RGS12: variants seen among roughly 807,000 people sequenced by gnomAD.
RGS12 encodes the protein regulator of G protein signaling 12.
RGS12 carries 66 observed loss-of-function variants against 120.1 expected under a neutral mutation model. The ratio of observed to expected loss-of-function variants is 0.55; its 90% CI spans 0.45 to 0.67. The LOEUF is 0.67. RGS12 is among the 30% of genes least tolerant of loss of function. The pLI, the probability that RGS12 is intolerant of heterozygous loss-of-function variation, is 0.00. For synonymous variants in RGS12, 827 were observed against 804.7 expected, an observed-to-expected ratio of 1.03 and a Z score of -0.47; for missense variants, 1,859 against 1,957.7, an observed-to-expected ratio of 0.95 and a Z score of 0.95.
At chr4:3,297,697 C>T (rs1394441127) in intron 1 of RGS12, among the ~76,000 whole-genome samples, 1 of 152,170 alleles carries the variant, frequency 6.6e-6, no homozygotes, top group East Asian at 1.9e-4. Context: ...CTAGCCCCAT[C>T]CCCACCCCTT....
intron 4 of RGS12, among the ~76,000 whole-genome samples, chr4:3,388,422 G>A (rs1341327567): frequency 6.6e-6 from 1 of 152,236 alleles, no homozygotes; most frequent in Non-Finnish European, 1.5e-5. Flanking sequence ...GTGCACATGA[G>A]CTCTAGATCG....
Position 3,317,314 on chromosome 4 carries a change from G to T in RGS12, c.1144G>T (p.Val382Phe), listed in dbSNP as rs371704475. The T allele has an allele frequency of 7.4e-6, 12 of 1,613,976 alleles. No homozygotes were observed. The East Asian group carries it at 2.5e-4, about 33-fold the overall frequency. The change falls in exon 2 of 18, where the codon GTC becomes TTC. Residue 382 changes from valine (V) to phenylalanine (F), a missense_variant. Val to Phe is a conservative substitution (Grantham distance 50). Around this residue, in one of 3 missense-constraint regions of RGS12, gnomAD observed 967 missense variants for 994.2 expected, o/e 0.97. Transcript: ENST00000336727. Reference sequence around the variant, plus strand: ...GGAATTCCCGGCGTCCTCCCTCCCCGTCCTGCAGTTCATCTCTGTCCTGTA... The same window carrying T: ...GGAATTCCCGGCGTCCTCCCTCCCCTTCCTGCAGTTCATCTCTGTCCTGTA... Reference protein sequence around the residue: ...CLEFPASSLPVLQFISVLYRD... With the variant: ...CLEFPASSLPFLQFISVLYRD...
intron 3 of RGS12, among the ~76,000 whole-genome samples, chr4:3,362,021 C>T (rs759808435): frequency 1.1e-4 from 16 of 152,166 alleles, no homozygotes; most frequent in Non-Finnish European, 8.8e-5. Context: ...CGCTCCCCCT[C>T]GTCACCCTCA....
intron 3 of RGS12, among the ~76,000 whole-genome samples, chr4:3,363,676 C>G (rs1318457428): frequency 6.6e-6 from 1 of 151,760 alleles, no homozygotes; most frequent in African/African-American, 2.4e-5. Flanking sequence ...GGCGGCAGCG[C>G]GTGGACCTGC....
Position 3,416,128 on chromosome 4 carries a change from G to A in RGS12, c.2427+7G>A, listed in dbSNP as rs201369188. On this transcript the variant is annotated splice_region_variant and intron_variant, in intron 7 of 17. Coordinates refer to ENST00000336727, the MANE Select transcript of RGS12 (RefSeq NM_001394154.1). ...CAAGGAGCAGCAGCTGCAGGTAACC[G>A]CAGGCTGTGGGAGCTTGTGGGGAGT... The A allele has an allele frequency of 3.7e-6, 6 of 1,613,714 alleles. No homozygotes were observed. The highest frequency in any genetic ancestry group is 3.3e-5 in the Admixed American group (2 of 59,990).
chr4:3,414,286 G>C (rs1430101776), intron 5 of RGS12, 45 bp downstream of exon 5: 2 of 1,491,210 alleles, frequency 1.3e-6, no homozygotes, highest in Non-Finnish European at 1.8e-6. Flanking sequence ...TCTGTGCTCT[G>C]CAGAGACTAC....
At chr4:3,431,727 C>A in intron 17 of RGS12, 1 of 985,614 alleles carries the variant, frequency 1.0e-6, no homozygotes, top group Non-Finnish European at 1.2e-6. Flanking sequence ...GAGAGAGGAG[C>A]CGCTCAGGGT....
At chr4:3,419,236 CAG>C (rs1185910847) in intron 9 of RGS12, 3 of 151,546 alleles carry the variant, frequency 2.0e-5, no homozygotes, top group South Asian at 2.1e-4. Context: ...GAGGCTGAGA[CAG>C]GAGAATTAGT....
intron 2 of RGS12, chr4:3,342,282 G>A (rs187601492): frequency 8.6e-5 from 45 of 525,114 alleles, no homozygotes; most frequent in Non-Finnish European, 1.1e-4. Context: ...AAGAGGTGGC[G>A]ACTGATTTGC....
intron 4 of RGS12, among the ~76,000 whole-genome samples, chr4:3,401,768 C>T (rs1357044250): frequency 6.6e-6 from 1 of 152,270 alleles, no homozygotes; most frequent in Non-Finnish European, 1.5e-5. Flanking sequence ...CCGTCAGCAC[C>T]TGTGAATCGT....
At chr4:3,373,334 T>TA (rs1022840215) in intron 3 of RGS12, among the ~76,000 whole-genome samples, 2 of 152,092 alleles carry the variant, frequency 1.3e-5, no homozygotes, top group Non-Finnish European at 2.9e-5. Context: ...CAGGTTGTGT[T>TA]AGGGCCTGAG....
rs55666879 is a variant in RGS12, at chr4:3,376,247, AACACACACAC to A, written c.1999-10132_1999-10123del. Among the ~76,000 whole-genome samples, 79 of 143,582 alleles carry A rather than the reference AACACACACAC, an allele frequency of 5.5e-4. No homozygotes were observed. The East Asian group carries it at 6.8e-3, about 12-fold the overall frequency. The allele number at this position is 143,582 out of a possible 152,430, so 94.2% of individuals were successfully genotyped here. On this transcript the variant is annotated intron_variant, in intron 3 of 17. Transcript: ENST00000336727. The stretch of plus-strand genomic sequence containing the variant: ...TATTCAAGGTTGAAAAGCTCCTTGG[AACACACACAC>A]ACACACACACACACACACACACACA...
chr4:3,382,230 AACT>A (rs1718337162), intron 3 of RGS12, among the ~76,000 whole-genome samples: 1 of 152,216 alleles, frequency 6.6e-6, no homozygotes, highest in Non-Finnish European at 1.5e-5. Flanking sequence ...TTGATGACAT[AACT>A]TCTAAAAGTT....
chr4:3,322,582 TATTAATTAATTAA>T (rs1334751807), intron 2 of RGS12, among the ~76,000 whole-genome samples: 8 of 152,204 alleles, frequency 5.3e-5, no homozygotes, highest in Admixed American at 3.9e-4. Flanking sequence ...CTCAAAGTTA[TATTAATTAATTAA>T]ATTAATTAAT....
intron 2 of RGS12, chr4:3,342,616 T>C: frequency 7.6e-7 from 1 of 1,318,782 alleles, no homozygotes; most frequent in South Asian, 1.2e-5. Flanking sequence ...TGCACGTGAT[T>C]TCATTTGATC....
rs1717362783 is a variant in RGS12, at chr4:3,374,130, C to G, written c.1999-12286C>G. Among the ~76,000 whole-genome samples the G allele has an allele frequency of 6.6e-6, 1 of 152,250 alleles. No individual in the cohort carries two copies. The highest frequency in any genetic ancestry group is 1.5e-5 in the Non-Finnish European group (1 of 68,042). Reference sequence around the variant, plus strand: ...CGCGGCTCTGTGAACGCAGGCATCCCTGTCTCCGTTGGGCGGATGTGGAGG... The same window carrying G: ...CGCGGCTCTGTGAACGCAGGCATCCGTGTCTCCGTTGGGCGGATGTGGAGG... On this transcript the variant is annotated intron_variant, in intron 3 of 17. Transcript: ENST00000336727. The surrounding 1 kb of genome is among the most constrained non-coding windows in gnomAD (Gnocchi z 6.3).
At chr4:3,291,346 C>CTTTT (rs1491171473), upstream of RGS12, among the ~76,000 whole-genome samples, 2 of 105,918 alleles carry the variant, frequency 1.9e-5, no homozygotes, top group South Asian at 3.3e-4. Context: ...TCTTTCCTGG[C>CTTTT]TCTTTTTTTT....
rs1220399165 is a variant in RGS12 at position 3,317,527 on chromosome 4, G to A, written c.1357G>A (p.Gly453Arg). ...LGGSSSRHGP[G>R]GSAWDGVGGR... is the part of the protein sequence containing the mutation. The stretch of plus-strand genomic sequence containing the variant: ...TGGGAGCTCGAGCAGACACGGCCCC[G>A]GAGGCAGCGCGTGGGACGGTGTGGG... Residue 453 changes from glycine to arginine, a missense_variant, in exon 2 of 18, where the codon GGA (glycine) becomes AGA (arginine). By Grantham distance (125) the Gly-to-Arg change is moderately radical. Coordinates refer to ENST00000336727, the MANE Select transcript of RGS12 (RefSeq NM_001394154.1). The A allele has an allele frequency of 8.1e-6, 13 of 1,611,596 alleles. No individual in the cohort carries two copies. The highest frequency in any genetic ancestry group is 3.3e-5 in the South Asian group (3 of 91,060).
intron 3 of RGS12, among the ~76,000 whole-genome samples, chr4:3,383,305 T>C (rs1718460423): frequency 6.6e-6 from 1 of 152,048 alleles, no homozygotes; most frequent in South Asian, 2.1e-4. Context: ...GGAGTAGCGG[T>C]ATATTAAAAA....
Sources: allele counts gnomAD v4.1 joint callset (sites outside exome capture counted in the v4.1 genomes callset), GRCh38; gene constraint gnomAD v4.1.1; regional missense constraint gnomAD v4.1.1; non-coding constraint Gnocchi (gnomAD v3.1); transcripts MANE v1.5; gene names NCBI Gene and HGNC (gene_info 2026-07-23, HGNC 2026-07-21).